The following HSD17B6 variants were observed in gnomAD, a reference collection of about 807,000 sequenced individuals.
HSD17B6 encodes the protein 17-beta-hydroxysteroid dehydrogenase type 6.
Under a neutral mutation model 26.4 loss-of-function variants are expected in HSD17B6, and 16 were observed. That is an observed-to-expected ratio of 0.61 (90% confidence interval 0.41 to 0.92). The LOEUF (loss-of-function observed/expected upper bound fraction) is 0.92, where lower values mean the gene tolerates loss of function less well. HSD17B6 is among the 40% of genes least tolerant of loss of function. HSD17B6 has a pLI of 0.00. For synonymous variants in HSD17B6, 139 were observed against 153.0 expected (o/e 0.91, Z 0.68); for missense variants, 357 against 386.1 (o/e 0.92, Z 0.63).
Position 56,786,798 on chromosome 12 carries a change from G to A in HSD17B6, c.737-327G>A, listed in dbSNP as rs555567056. On this transcript the variant is annotated intron_variant, in intron 4 of 4. Transcript: ENST00000322165. ...TGGGAGGCAGAGGTTGCAGTGAGCT[G>A]AGATTGTACCACTACACTCCAACCT... 1.5e-4 allele frequency among the ~76,000 whole-genome samples: 23 copies of A among 152,262 alleles called. No individual in the cohort carries two copies. In the South Asian group the frequency reaches 4.8e-3, roughly 32 times the overall value.
chr12:56,780,160 T>G (rs1189248582), intron 2 of HSD17B6, among the ~76,000 whole-genome samples: 1 of 152,222 alleles, frequency 6.6e-6, no homozygotes, highest in African/African-American at 2.4e-5. Context: ...TATTTTTTCT[T>G]TGATCTTTAT....
intron 1 of HSD17B6, among the ~76,000 whole-genome samples, chr12:56,764,068 C>CAAAAAAAAAAAAAAAAAAAAAAGAAA (rs1954268249): frequency 1.3e-5 from 1 of 74,342 alleles, no homozygotes; most frequent in Non-Finnish European, 2.3e-5. Flanking sequence ...GACCGTGTCT[C>CAAAAAAAAAAAAAAAAAAAAAAGAAA]AAAAAAAAAA....
chr12:56,772,840 G>A (rs1326582922), intron 1 of HSD17B6, among the ~76,000 whole-genome samples: 1 of 152,122 alleles, frequency 6.6e-6, no homozygotes, highest in Non-Finnish European at 1.5e-5. Context: ...TTTGGCTAAA[G>A]AGTAGGATGC....
intron 3 of HSD17B6, among the ~76,000 whole-genome samples, chr12:56,783,536 G>C (rs1397989641): frequency 4.2e-5 from 6 of 144,242 alleles, no homozygotes; most frequent in African/African-American, 7.7e-5. Flanking sequence ...CGGCCGGGCG[G>C]GGGGCTGAAC....
intron 3 of HSD17B6, among the ~76,000 whole-genome samples, chr12:56,783,093 G>T (rs1274013117): frequency 0.04 from 5,969 of 151,032 alleles, 66 homozygotes; most frequent in African/African-American, 0.089. Flanking sequence ...TCCCCACCTT[G>T]CCCCCTTTTC....
Position 56,787,241 on chromosome 12 carries a change from T to C in HSD17B6, c.853T>C (p.Trp285Arg), listed in dbSNP as rs201490226. ...TCCGCGAACTCGATATTCAGCTGGCTGGGATGCTAAATTTTTCTTCATCCC... is the reference window on the plus strand; with the variant it reads ...TCCGCGAACTCGATATTCAGCTGGCCGGGATGCTAAATTTTTCTTCATCCC... ...VHPRTRYSAG[W>R]DAKFFFIPLS... Residue 285 changes from tryptophan to arginine, a missense_variant, in exon 5 of 5, where the codon TGG (tryptophan) becomes CGG (arginine). By Grantham distance (101) the Trp-to-Arg change is moderately radical. Transcript: ENST00000322165. 6.2e-7 allele frequency: 1 copy of C among 1,613,994 alleles called. No homozygotes were observed. The highest frequency in any genetic ancestry group is 8.5e-7 in the Non-Finnish European group (1 of 1,179,926).
In HSD17B6 at chr12:56,784,440, C is replaced by A. The variant is rs916411340; in HGVS notation, c.573-413C>A. On this transcript the variant is annotated intron_variant, in intron 3 of 4. Transcript: ENST00000322165. Reference sequence around the variant, plus strand: ...CTGCAATCCCGGCACCTTGGGAGGCCAAGGCTGGCGGATCACTCGCGGTTA... The same window carrying A: ...CTGCAATCCCGGCACCTTGGGAGGCAAAGGCTGGCGGATCACTCGCGGTTA... Among the ~76,000 whole-genome samples, 7 of 152,272 alleles carry A rather than the reference C, an allele frequency of 4.6e-5. 1 individual carries two copies. In the Middle Eastern group the frequency reaches 0.01, roughly 222 times the overall value.
rs79210107 is a variant in HSD17B6, at chr12:56,783,526, C to T, written c.572+1294C>T. ...CCACCTCCCTCCCGGATGGGGCGGC[C>T]GGCCGGGCGGGGGGCTGAACCCCCC... On this transcript the variant is annotated intron_variant, in intron 3 of 4. Transcript: ENST00000322165. Among the ~76,000 whole-genome samples the T allele has an allele frequency of 6.0e-4, 78 of 129,658 alleles. No homozygotes were observed. In the East Asian group the frequency reaches 0.012, roughly 20 times the overall value. 85.1% of individuals were successfully genotyped at this position (129,658 alleles called of 152,430 possible). A position where few individuals can be genotyped will look rare whatever the true frequency, so the allele number is the denominator to read the frequency against.
chr12:56,779,598 C>T (rs1014143141), intron 2 of HSD17B6, among the ~76,000 whole-genome samples: 3 of 152,052 alleles, frequency 2.0e-5, no homozygotes, highest in African/African-American at 7.2e-5. Flanking sequence ...ATTTCTGTTT[C>T]CCTAGTAGAA....
chr12:56,783,787 TC>T, intron 3 of HSD17B6, among the ~76,000 whole-genome samples: 1 of 142,768 alleles, frequency 7.0e-6, no homozygotes, highest in Non-Finnish European at 1.5e-5. Flanking sequence ...ACCCCTCACC[TC>T]CCGGACGGGG....
intron 2 of HSD17B6, among the ~76,000 whole-genome samples, chr12:56,776,208 G>A (rs1211733727): frequency 5.3e-5 from 8 of 152,188 alleles, no homozygotes; most frequent in Non-Finnish European, 8.8e-5. Flanking sequence ...TTACAGGCGT[G>A]AGCCATCGCG....
At chr12:56,777,017 G>A (rs1188576193) in intron 2 of HSD17B6, among the ~76,000 whole-genome samples, 1 of 152,126 alleles carries the variant, frequency 6.6e-6, no homozygotes, top group Non-Finnish European at 1.5e-5. Context: ...TTGGTTTTAT[G>A]ATTCAGTAGA....
chr12:56,785,337 C>T lies in HSD17B6; in HGVS notation c.736+321C>T, dbSNP rs776990319. Among the ~76,000 whole-genome samples, 33 of 152,334 alleles carry T rather than the reference C, an allele frequency of 2.2e-4. No homozygotes were observed. In the Middle Eastern group the frequency reaches 0.017, roughly 79 times the overall value. ...AGTACCTCCCACCAGGTCCCTCCCA[C>T]GACATGTGGAGATTATGGGACTATA... On this transcript the variant is annotated intron_variant, in intron 4 of 4. Coordinates refer to ENST00000322165, the MANE Select transcript of HSD17B6 (RefSeq NM_003725.4).
chr12:56,782,062 CAA>C lies in HSD17B6; in HGVS notation c.404_405del (p.Lys135SerfsTer58). 1 of 1,614,168 alleles carries C rather than the reference CAA, an allele frequency of 6.2e-7. No individual in the cohort carries two copies. Among genetic ancestry groups the C allele is most frequent in the Non-Finnish European group, 8.5e-7 (1 of 1,180,038 alleles). On this transcript the variant is annotated frameshift_variant, in exon 3 of 5. Transcript: ENST00000322165. LOFTEE classifies it high-confidence loss of function. ...LNTEDSMNML[K>X]VNLIGVIQVT... is the part of the protein sequence containing the mutation. ...ACACTGAGGACTCTATGAATATGCT[CAA>C]AGTGAACCTCATTGGTGTGATCCAG...
intron 3 of HSD17B6, 61 bp from the exon 4 acceptor site, chr12:56,784,792 C>T: frequency 2.6e-6 from 4 of 1,517,718 alleles, no homozygotes; most frequent in South Asian, 1.2e-5. Context: ...TTTGCTTTTC[C>T]TTCCTGAAAG....
rs536860203 is a variant in HSD17B6 at position 56,767,888 on chromosome 12, CAT to C, written c.-20+4482_-20+4483del. Among the ~76,000 whole-genome samples, 706 of 148,734 alleles carry C rather than the reference CAT, an allele frequency of 4.7e-3. 7 individuals are homozygous for C. Among genetic ancestry groups the C allele is most frequent in the African/African-American group, 0.017 (673 of 40,464 alleles). On this transcript the variant is annotated intron_variant, in intron 1 of 4. Coordinates refer to ENST00000322165, the MANE Select transcript of HSD17B6 (RefSeq NM_003725.4). ...ACGTGTATATATACACGTATATACACATATATATACAATGTATACACACACGT... is the reference window on the plus strand; with the variant it reads ...ACGTGTATATATACACGTATATACACATATATACAATGTATACACACACGT...
chr12:56,787,676 C>T lies in HSD17B6; in HGVS notation c.*334C>T. On this transcript the variant is annotated 3_prime_UTR_variant, in exon 5 of 5. Coordinates refer to ENST00000322165, the MANE Select transcript of HSD17B6 (RefSeq NM_003725.4). ...TATGAATATGAATAATTGTTCTATG[C>T]TTTAATAATCTATTGTGAGGAAACT... is the stretch of plus-strand genomic sequence containing the variant. 4.2e-6 allele frequency: 1 copy of T among 240,274 alleles called. No individual in the cohort carries two copies. Among genetic ancestry groups the T allele is most frequent in the Non-Finnish European group, 8.1e-6 (1 of 122,818 alleles). The allele number at this position is 240,274 out of a possible 1,614,324, so 14.9% of individuals were successfully genotyped here. A position where few individuals can be genotyped will look rare whatever the true frequency, so the allele number is the denominator to read the frequency against.
chr12:56,765,177 C>T (rs1954295007), intron 1 of HSD17B6, among the ~76,000 whole-genome samples: 1 of 151,980 alleles, frequency 6.6e-6, no homozygotes, highest in Admixed American at 6.5e-5. Flanking sequence ...TGGCTCACGC[C>T]TGTAATCCCA....
chr12:56,765,342 C>T (rs903981233), intron 1 of HSD17B6, among the ~76,000 whole-genome samples: 2 of 151,650 alleles, frequency 1.3e-5, no homozygotes, highest in Non-Finnish European at 2.9e-5. Context: ...AGGCTAAGGC[C>T]GGAGGATCGC....
Sources: gnomAD v4.1 joint callset for allele counts (sites outside exome capture counted in the v4.1 genomes callset) on GRCh38, gnomAD v4.1.1 for gene constraint, MANE v1.5 for transcripts, NCBI Gene and HGNC (gene_info 2026-07-23, HGNC 2026-07-21) for gene names.